Variants in TACR1 observed in about 807,000 individuals in gnomAD.
TACR1 encodes the protein tachykinin receptor 1.
A neutral mutation model predicts 35.8 loss-of-function variants in TACR1; 25 were observed. That is an observed-to-expected ratio of 0.70 (90% CI 0.51 to 0.98). The LOEUF is 0.98. Ranked by LOEUF, TACR1 falls within the 50% of genes least tolerant of loss-of-function variation. The pLI is 0.00. For synonymous variants in TACR1, 195 were observed against 206.7 expected, an observed-to-expected ratio of 0.94 and a Z score of 0.48; for missense variants, 478 against 522.9, an observed-to-expected ratio of 0.91 and a Z score of 0.84.
chr2:75,110,194 G>A (rs570249143), intron 2 of TACR1, among the ~76,000 whole-genome samples: 2 of 152,016 alleles, frequency 1.3e-5, no homozygotes, highest in East Asian at 3.9e-4. Context: ...AGTAAATATT[G>A]GAAGACCATG....
At chr2:75,190,590 T>C (rs751578965) in intron 1 of TACR1, among the ~76,000 whole-genome samples, 7 of 152,338 alleles carry the variant, frequency 4.6e-5, no homozygotes, top group African/African-American at 1.7e-4. Flanking sequence ...ATAATATTAA[T>C]TACTATTAAT....
intron 1 of TACR1, among the ~76,000 whole-genome samples, chr2:75,179,381 C>T (rs1015522075): frequency 6.6e-6 from 1 of 152,164 alleles, no homozygotes; most frequent in Admixed American, 6.5e-5. Context: ...CAGGAGAGCT[C>T]CTAACTGGTC....
chr2:75,199,194 G>C lies in TACR1; in HGVS notation c.-260C>G. ...AGACGTTTGAGTTCAGAAGTCTGGAGACAGCATCTCTCTTGCGGTAAACTG... is the reference window on the plus strand; with the variant it reads ...AGACGTTTGAGTTCAGAAGTCTGGACACAGCATCTCTCTTGCGGTAAACTG... On this transcript the variant is annotated 5_prime_UTR_variant, in exon 1 of 5. Coordinates refer to ENST00000305249, the MANE Select transcript of TACR1 (RefSeq NM_001058.4). 1 of 470,500 alleles carries C rather than the reference G, an allele frequency of 2.1e-6. No individual in the cohort carries two copies. Among genetic ancestry groups the C allele is most frequent in the Non-Finnish European group, 3.8e-6 (1 of 261,582 alleles). 29.1% of individuals were successfully genotyped at this position (470,500 alleles called of 1,614,324 possible). A position where few individuals can be genotyped will look rare whatever the true frequency, so the allele number is the denominator to read the frequency against.
chr2:75,173,322 A>G (rs1675334721), intron 1 of TACR1, among the ~76,000 whole-genome samples: 1 of 152,218 alleles, frequency 6.6e-6, no homozygotes, highest in Non-Finnish European at 1.5e-5. Context: ...ATATTGCAAG[A>G]ATAAAGCCTG....
At chr2:75,057,787 C>T (rs778817588) in intron 2 of TACR1, among the ~76,000 whole-genome samples, 5 of 151,904 alleles carry the variant, frequency 3.3e-5, no homozygotes, top group Non-Finnish European at 7.4e-5. Flanking sequence ...ACAGAAAGGT[C>T]GAAATGAAGT....
intron 1 of TACR1, among the ~76,000 whole-genome samples, chr2:75,155,471 C>A (rs1439110219): frequency 6.6e-6 from 1 of 151,124 alleles, no homozygotes; most frequent in Non-Finnish European, 1.5e-5. Context: ...TCCACAAGTG[C>A]CTCACAACTG....
intron 1 of TACR1, among the ~76,000 whole-genome samples, chr2:75,150,813 C>T (rs1364104143): frequency 1.3e-5 from 2 of 152,220 alleles, no homozygotes; most frequent in Admixed American, 1.3e-4. Flanking sequence ...AAGTTTGGAA[C>T]TTCCTAGAGA....
chr2:75,108,736 G>T (rs1673696691), intron 2 of TACR1, among the ~76,000 whole-genome samples: 3 of 152,136 alleles, frequency 2.0e-5, no homozygotes, highest in Non-Finnish European at 2.9e-5. Flanking sequence ...GAAAAAAACA[G>T]CTTAATCATT....
chr2:75,077,698 G>A (rs980131027), intron 2 of TACR1, among the ~76,000 whole-genome samples: 10 of 152,206 alleles, frequency 6.6e-5, no homozygotes, highest in Admixed American at 2.0e-4. Flanking sequence ...TAACAGTGAT[G>A]AACAACACAG....
intron 2 of TACR1, among the ~76,000 whole-genome samples, chr2:75,072,257 G>T (rs112395534): frequency 0.027 from 4,071 of 152,230 alleles, 193 homozygotes; most frequent in African/African-American, 0.092. Flanking sequence ...GATGTGAGTC[G>T]TCTGCCAGGT....
At chr2:75,097,163 C>A (rs1039750093) in intron 2 of TACR1, among the ~76,000 whole-genome samples, 2 of 152,184 alleles carry the variant, frequency 1.3e-5, no homozygotes, top group African/African-American at 4.8e-5. Flanking sequence ...AAGTAGGTGC[C>A]TTCTGACCAC....
At position 75,061,431 on chromosome 2, in the gene TACR1, G is replaced by A. The variant is rs1221134241; in HGVS notation, c.585-7676C>T. On this transcript the variant is annotated intron_variant, in intron 2 of 4. Coordinates refer to ENST00000305249, the MANE Select transcript of TACR1 (RefSeq NM_001058.4). ...TTCCATTCTTAATATACTTGGCCAC[G>A]AAAGGGAGAGGAGAGAGCAGTCGTT... Among the ~76,000 whole-genome samples, 8 of 151,260 alleles carry A rather than the reference G, an allele frequency of 5.3e-5. No individual in the cohort carries two copies. The South Asian group carries it at 1.3e-3, about 24-fold the overall frequency.
At chr2:75,078,954 A>G (rs1164529669) in intron 2 of TACR1, among the ~76,000 whole-genome samples, 1 of 152,128 alleles carries the variant, frequency 6.6e-6, no homozygotes, top group Non-Finnish European at 1.5e-5. Flanking sequence ...ATGACAAAAT[A>G]TTCTCAAGTT....
intron 2 of TACR1, among the ~76,000 whole-genome samples, chr2:75,107,339 C>T (rs1429346461): frequency 6.6e-6 from 1 of 151,910 alleles, no homozygotes; most frequent in African/African-American, 2.4e-5. Flanking sequence ...TCCATAACAG[C>T]AACAAATTGA....
At position 75,170,543 on chromosome 2, in the gene TACR1, A is replaced by G. The variant is rs569453671; in HGVS notation, c.389+28003T>C. ...GCCACTTTGGAACTGGGTAACAGGCAGCGGTTGGAACAGTTTGGAGGGCTC... is the reference window on the plus strand; with the variant it reads ...GCCACTTTGGAACTGGGTAACAGGCGGCGGTTGGAACAGTTTGGAGGGCTC... On this transcript the variant is annotated intron_variant, in intron 1 of 4. Transcript: ENST00000305249. 6.6e-5 allele frequency among the ~76,000 whole-genome samples: 10 copies of G among 152,340 alleles called. No homozygotes were observed. In the South Asian group the frequency reaches 1.9e-3, roughly 28 times the overall value.
intron 2 of TACR1, among the ~76,000 whole-genome samples, chr2:75,059,007 C>T (rs147087718): frequency 8.5e-5 from 13 of 152,300 alleles, no homozygotes; most frequent in African/African-American, 2.9e-4. Context: ...GCCAAGAGGG[C>T]ACAGCTCTGG....
At chr2:75,064,579 AG>A (rs376172325) in intron 2 of TACR1, among the ~76,000 whole-genome samples, 112 of 152,358 alleles carry the variant, frequency 7.4e-4, no homozygotes, top group African/African-American at 2.5e-3. Context: ...GGGGCGAGAA[AG>A]AGTGCGAGTG....
chr2:75,052,653 T>A (rs1466820054), intron 3 of TACR1, among the ~76,000 whole-genome samples: 3 of 152,124 alleles, frequency 2.0e-5, no homozygotes. Flanking sequence ...TATTTACTAT[T>A]TGTGTAAAAA....
chr2:75,126,048 T>C (rs1674064833), intron 1 of TACR1, among the ~76,000 whole-genome samples: 1 of 152,172 alleles, frequency 6.6e-6, no homozygotes, highest in South Asian at 2.1e-4. Flanking sequence ...ACCCAATAGT[T>C]ATTTTTTCTG....
Sources: gnomAD v4.1 joint callset for allele counts (sites outside exome capture counted in the v4.1 genomes callset) on GRCh38, gnomAD v4.1.1 for gene constraint, MANE v1.5 for transcripts, NCBI Gene and HGNC (gene_info 2026-07-23, HGNC 2026-07-21) for gene names.